NKAPD1: variants seen among roughly 807,000 people sequenced by gnomAD.
NKAPD1 encodes NKAP domain containing 1.
NKAPD1 carries 12 observed loss-of-function variants against 30.9 expected under a neutral mutation model. That is an observed-to-expected ratio of 0.39 (90% confidence interval 0.25 to 0.63). NKAPD1 has a LOEUF of 0.63. NKAPD1 is among the 20% of genes least tolerant of loss of function. NKAPD1 has a pLI of 0.51. For synonymous variants in NKAPD1, 91 were observed against 113.6 expected (o/e 0.80, Z 1.26); for missense variants, 311 against 344.5 (o/e 0.90, Z 0.77).
In NKAPD1 at chr11:112,082,633, A is replaced by C; in HGVS notation, c.543A>C (p.Thr181=). 1 of 1,614,002 alleles carries C rather than the reference A, an allele frequency of 6.2e-7. No individual in the cohort carries two copies. The highest frequency in any genetic ancestry group is 8.5e-7 in the Non-Finnish European group (1 of 1,180,016). ...GCAAAAAGGAAGCCACAGATATAAC[A>C]GCAGATTCCTCGAGTGAGTTCTCAG... is the stretch of plus-strand genomic sequence containing the variant. ...KKSKKEATDI[T]ADSSSEFSEE... is the part of the protein sequence containing the mutation. Residue 181 remains threonine, a synonymous_variant, in exon 6 of 6, where the codon ACA becomes ACC. Transcript: ENST00000393047.
intron 2 of NKAPD1, among the ~76,000 whole-genome samples, chr11:112,077,417 TATA>T (rs1185300451): frequency 6.6e-6 from 1 of 152,198 alleles, no homozygotes; most frequent in Non-Finnish European, 1.5e-5. Flanking sequence ...TGACAAAAAT[TATA>T]ATATTACCAG....
chr11:112,079,958 G>A (rs1356078699), intron 3 of NKAPD1, among the ~76,000 whole-genome samples: 10 of 151,976 alleles, frequency 6.6e-5, no homozygotes, highest in African/African-American at 9.7e-5. Context: ...GACTATAGGC[G>A]TGTGCCACCA....
rs1865537007 is a variant in NKAPD1 at position 112,084,646 on chromosome 11, G to A, written c.*1674G>A. On this transcript the variant is annotated 3_prime_UTR_variant, in exon 6 of 6. Transcript: ENST00000393047. ...ATTTTTTAGCATGCATTGTTTCTGT[G>A]CCCTGAAAGTACCTGAAAGGTTTTA... The A allele has an allele frequency of 6.6e-6, 1 of 152,500 alleles. No individual in the cohort carries two copies. The highest frequency in any genetic ancestry group is 2.1e-4 in the South Asian group (1 of 4,822). 9.4% of individuals were successfully genotyped at this position (152,500 alleles called of 1,614,324 possible). A position where few individuals can be genotyped will look rare whatever the true frequency, so the allele number is the denominator to read the frequency against.
intron 4 of NKAPD1, chr11:112,080,955 AT>A (rs1865437233): frequency 5.7e-6 from 1 of 175,304 alleles, no homozygotes; most frequent in African/African-American, 2.4e-5. Context: ...CAGAAGGCAG[AT>A]TAGTGATTGC....
chr11:112,080,950 G>A (rs1027714418), intron 4 of NKAPD1: 5 of 176,094 alleles, frequency 2.8e-5, no homozygotes, highest in African/African-American at 1.2e-4. Context: ...AGAGACAGAA[G>A]GCAGATTAGT....
In NKAPD1 at chr11:112,082,575, A is replaced by G; in HGVS notation, c.485A>G (p.Gln162Arg). ...TCAAAGAAATCCCACAAAAAAAAGCAGAAAAAAAGGTCACACAAAAAACAG... is the reference window on the plus strand; with the variant it reads ...TCAAAGAAATCCCACAAAAAAAAGCGGAAAAAAAGGTCACACAAAAAACAG... The part of the protein sequence containing the change: ...KKSKKSHKKK[Q>R]KKRSHKKQKK... The change falls in exon 6 of 6, where the codon CAG (glutamine) becomes CGG (arginine). Residue 162 changes from glutamine to arginine, a missense_variant. Coordinates refer to ENST00000393047, the MANE Select transcript of NKAPD1 (RefSeq NM_018195.4). The G allele has an allele frequency of 6.2e-7, 1 of 1,613,334 alleles. No individual in the cohort carries two copies. Among genetic ancestry groups the G allele is most frequent in the Non-Finnish European group, 8.5e-7 (1 of 1,179,914 alleles).
chr11:112,082,416 A>G (rs919694839), intron 5 of NKAPD1, 49 bp from the exon 6 acceptor site: 1 of 1,396,232 alleles, frequency 7.2e-7, no homozygotes, highest in East Asian at 2.5e-5. Flanking sequence ...TTAAAATAAT[A>G]CGCTTTTTTT....
At chr11:112,078,714 T>C (rs1476918503) in intron 3 of NKAPD1, among the ~76,000 whole-genome samples, 7 of 152,230 alleles carry the variant, frequency 4.6e-5, no homozygotes, top group Non-Finnish European at 1.0e-4. Flanking sequence ...CATGCCACTA[T>C]GCCTAGCTAC....
At chr11:112,075,523 AT>A in intron 1 of NKAPD1, 43 bp from the exon 2 acceptor site, 1 of 1,435,364 alleles carries the variant, frequency 7.0e-7, no homozygotes, top group East Asian at 2.4e-5. Flanking sequence ...AGATAAAGTA[AT>A]AACAGAAATT....
Position 112,078,271 on chromosome 11 carries a change from T to C in NKAPD1, c.126T>C (p.Asp42=), listed in dbSNP as rs2135245563. The C allele has an allele frequency of 1.2e-6, 2 of 1,613,436 alleles. No individual in the cohort carries two copies. The highest frequency in any genetic ancestry group is 1.1e-5 in the South Asian group (1 of 90,946). The part of the protein sequence containing the change: ...KIRELEKQME[D]AYRGTKRKML... ...GAGAACTGGAAAAACAGATGGAAGA[T>C]GCTTACCGGGGGACCAAAAGGAAAA... The change falls in exon 3 of 6, where the codon GAT becomes GAC. Residue 42 remains aspartate (D), a synonymous_variant. Coordinates refer to ENST00000393047, the MANE Select transcript of NKAPD1 (RefSeq NM_018195.4).
intron 4 of NKAPD1, 28 bp downstream of exon 4, chr11:112,080,586 A>G: frequency 6.2e-7 from 1 of 1,607,960 alleles, no homozygotes; most frequent in Non-Finnish European, 8.5e-7. Flanking sequence ...GTGAGCATTA[A>G]TATTTGGCCT....
Position 112,078,292 on chromosome 11 carries a change from G to A in NKAPD1, c.147G>A (p.Arg49=), listed in dbSNP as rs779538871. ...QMEDAYRGTK[R]KMLPSSSSRM... is the part of the protein sequence containing the mutation. ...AAGATGCTTACCGGGGGACCAAAAG[G>A]AAAATGCTACCCAGCAGTTCAAGGT... Residue 49 remains arginine, a synonymous_variant, in exon 3 of 6, where the codon AGG becomes AGA. Transcript: ENST00000393047. 4 of 1,612,166 alleles carry A rather than the reference G, an allele frequency of 2.5e-6. No individual in the cohort carries two copies. Among genetic ancestry groups the A allele is most frequent in the Non-Finnish European group, 3.4e-6 (4 of 1,178,848 alleles).
In NKAPD1 at chr11:112,084,228, C is replaced by G. The variant is rs1343017222; in HGVS notation, c.*1256C>G. On this transcript the variant is annotated 3_prime_UTR_variant, in exon 6 of 6. Coordinates refer to ENST00000393047, the MANE Select transcript of NKAPD1 (RefSeq NM_018195.4). Reference sequence around the variant, plus strand: ...GGCCTTACTTTCCTGATGTGTAATACGGAATTACTTCACAGTAGCATGACA... The same window carrying G: ...GGCCTTACTTTCCTGATGTGTAATAGGGAATTACTTCACAGTAGCATGACA... 2.0e-5 allele frequency: 3 copies of G among 152,530 alleles called. No homozygotes were observed. The highest frequency in any genetic ancestry group is 4.4e-5 in the Non-Finnish European group (3 of 68,030). 9.4% of individuals were successfully genotyped at this position (152,530 alleles called of 1,614,324 possible).
In NKAPD1 at chr11:112,080,553, A is replaced by G. The variant is rs937131700; in HGVS notation, c.315A>G (p.Pro105=). The G allele has an allele frequency of 6.2e-7, 1 of 1,613,250 alleles. No individual in the cohort carries two copies. The highest frequency in any genetic ancestry group is 1.3e-5 in the African/African-American group (1 of 74,908). Residue 105 remains proline, a synonymous_variant, in exon 4 of 6, where the codon CCA becomes CCG. Coordinates refer to ENST00000393047, the MANE Select transcript of NKAPD1 (RefSeq NM_018195.4). ...KKFYDYEANM[P]DRWGHSGYKE... Reference sequence around the variant, plus strand: ...TCTATGATTATGAAGCAAACATGCCAGACAGGTTTGTGATTAATTCCTGTG... The same window carrying G: ...TCTATGATTATGAAGCAAACATGCCGGACAGGTTTGTGATTAATTCCTGTG...
In NKAPD1 at chr11:112,082,514, A is replaced by C; in HGVS notation, c.424A>C (p.Lys142Gln). ...TNGKKTSPQV[K>Q]SSTHESRKHK... ...CGGGAAGAAAACATCTCCCCAGGTA[A>C]AGTCATCTACCCATGAATCCCGCAA... Residue 142 changes from lysine to glutamine, a missense_variant, in exon 6 of 6, where the codon AAG (lysine) becomes CAG (glutamine). Lys to Gln is a moderately conservative substitution (Grantham distance 53, BLOSUM62 1). Transcript: ENST00000393047. 1 of 1,602,744 alleles carries C rather than the reference A, an allele frequency of 6.2e-7. No homozygotes were observed. Among genetic ancestry groups the C allele is most frequent in the Non-Finnish European group, 8.5e-7 (1 of 1,177,516 alleles).
In NKAPD1 at chr11:112,074,586, A is replaced by G. The variant is rs1280927290; in HGVS notation, c.-339A>G. On this transcript the variant is annotated 5_prime_UTR_variant, in exon 1 of 6. Transcript: ENST00000393047. ...GTTCCCAGCCTTTCTGGGGAGTGAA[A>G]CTTACCCCCGGGGTTCGTCCTAGAG... is the stretch of plus-strand genomic sequence containing the variant. 10 of 398,330 alleles carry G rather than the reference A, an allele frequency of 2.5e-5. No homozygotes were observed. Among genetic ancestry groups the G allele is most frequent in the East Asian group, 7.1e-5 (2 of 28,076 alleles). 24.7% of individuals were successfully genotyped at this position (398,330 alleles called of 1,614,324 possible).
chr11:112,081,507 C>G, intron 4 of NKAPD1: 1 of 156,720 alleles, frequency 6.4e-6, no homozygotes. Context: ...GTAGCATGTG[C>G]CTGTAGTCCC....
In NKAPD1 at chr11:112,074,322, C is replaced by T. The variant is rs78421692; in HGVS notation, c.-603C>T. On this transcript the variant is annotated 5_prime_UTR_variant, in exon 1 of 6. Coordinates refer to ENST00000393047, the MANE Select transcript of NKAPD1 (RefSeq NM_018195.4). ...TCCTTTTTCTCCCAAACCACTTCTTCCCCCCTACCCCCCGCCACGCGAGGC... is the reference window on the plus strand; with the variant it reads ...TCCTTTTTCTCCCAAACCACTTCTTTCCCCCTACCCCCCGCCACGCGAGGC... 948 of 399,138 alleles carry T rather than the reference C, an allele frequency of 2.4e-3. 10 individuals carry two copies. Among genetic ancestry groups the T allele is most frequent in the African/African-American group, 0.018 (866 of 48,756 alleles). 24.7% of individuals were successfully genotyped at this position (399,138 alleles called of 1,614,324 possible). A position where few individuals can be genotyped will look rare whatever the true frequency, so the allele number is the denominator to read the frequency against.
intron 2 of NKAPD1, among the ~76,000 whole-genome samples, chr11:112,076,833 A>G (rs483788): frequency 1 from 151,627 of 152,328 alleles, 75,473 homozygotes; most frequent in Middle Eastern, 1. Context: ...AGATGATGAC[A>G]ATTCTGTTAA....
Sources: gnomAD v4.1 joint callset for allele counts (sites outside exome capture counted in the v4.1 genomes callset) on GRCh38, gnomAD v4.1.1 for gene constraint, MANE v1.5 for transcripts, NCBI Gene and HGNC (gene_info 2026-07-23, HGNC 2026-07-21) for gene names.